RGS7: variants seen among roughly 807,000 people sequenced by gnomAD.
RGS7 encodes the protein regulator of G protein signaling 7.
A neutral mutation model predicts 81.1 loss-of-function variants in RGS7; 27 were observed. The observed-to-expected ratio is 0.33, with a 90% CI of 0.25 to 0.46. The LOEUF is 0.46. Among genes scored for constraint, RGS7 ranks in the 20% least tolerant of loss-of-function variants. The pLI is 1.00. For synonymous variants in RGS7, 208 were observed against 207.7 expected (o/e 1.00, Z -0.01); for missense variants, 396 against 607.4 (o/e 0.65, Z 3.66).
At chr1:240,818,605 AT>A (rs969705045) in intron 10 of RGS7, among the ~76,000 whole-genome samples, 1 of 152,244 alleles carries the variant, frequency 6.6e-6, no homozygotes, top group African/African-American at 2.4e-5. Flanking sequence ...ATGGAACACT[AT>A]TCAGCCTTTA....
chr1:240,971,065 T>TATGA (rs1683134067), intron 4 of RGS7, among the ~76,000 whole-genome samples: 1 of 152,182 alleles, frequency 6.6e-6, no homozygotes, highest in African/African-American at 2.4e-5. Context: ...TGAATGTCTG[T>TATGA]ATCACCCCCA....
chr1:240,900,929 C>T (rs948493273), intron 6 of RGS7, among the ~76,000 whole-genome samples: 5 of 152,152 alleles, frequency 3.3e-5, no homozygotes, highest in Non-Finnish European at 5.9e-5. Context: ...TCTTGAGCTG[C>T]GGTGGGCTCC....
intron 2 of RGS7, among the ~76,000 whole-genome samples, chr1:241,254,198 C>CAAAAAAAA (rs57205542): frequency 3.1e-5 from 2 of 64,348 alleles, no homozygotes; most frequent in Non-Finnish European, 6.0e-5. Context: ...GACTCCATCT[C>CAAAAAAAA]AAAAAAAAAA....
intron 2 of RGS7, among the ~76,000 whole-genome samples, chr1:241,143,677 G>A (rs1472067359): frequency 6.6e-6 from 1 of 152,182 alleles, no homozygotes; most frequent in East Asian, 1.9e-4. Flanking sequence ...AGCAAGGAGG[G>A]ATGTACCTTT....
chr1:240,806,414 G>A, intron 14 of RGS7, 88 bp from the exon 15 acceptor site: 1 of 1,285,382 alleles, frequency 7.8e-7, no homozygotes, highest in Non-Finnish European at 1.1e-6. Flanking sequence ...AGTTCATCAT[G>A]ACGACTCACA....
chr1:241,351,538 T>C (rs1485771261), intron 2 of RGS7, among the ~76,000 whole-genome samples: 1 of 152,134 alleles, frequency 6.6e-6, no homozygotes, highest in Non-Finnish European at 1.5e-5. Context: ...GCTTCACAAG[T>C]AACAAGGCTG....
intron 3 of RGS7, among the ~76,000 whole-genome samples, chr1:241,027,972 G>A (rs771246240): frequency 6.6e-5 from 10 of 152,142 alleles, no homozygotes; most frequent in Admixed American, 4.6e-4. Flanking sequence ...TAGCTGGCTC[G>A]TTTTGAATTA....
intron 3 of RGS7, among the ~76,000 whole-genome samples, chr1:241,066,629 A>C (rs1006551827): frequency 1.9e-4 from 29 of 151,858 alleles, no homozygotes; most frequent in Middle Eastern, 3.2e-3. Context: ...AGATGAGCCC[A>C]ACTATTCACA....
intron 2 of RGS7, among the ~76,000 whole-genome samples, chr1:241,162,338 G>A (rs961806552): frequency 3.3e-5 from 5 of 151,954 alleles, no homozygotes; most frequent in African/African-American, 1.2e-4. Flanking sequence ...GCTGGTAAGG[G>A]AAAAACGCCT....
At chr1:241,174,641 G>A (rs893796508) in intron 2 of RGS7, among the ~76,000 whole-genome samples, 3 of 152,072 alleles carry the variant, frequency 2.0e-5, no homozygotes, top group Non-Finnish European at 4.4e-5. Context: ...TACACATGAG[G>A]AAACAGCTAG....
intron 6 of RGS7, among the ~76,000 whole-genome samples, chr1:240,892,583 G>T (rs1280862744): frequency 6.6e-6 from 1 of 151,930 alleles, no homozygotes; most frequent in Non-Finnish European, 1.5e-5. Flanking sequence ...TGGGCCTAGG[G>T]GTTTCTCCAT....
chr1:240,903,483 T>C (rs546202159), intron 6 of RGS7, among the ~76,000 whole-genome samples: 1 of 152,006 alleles, frequency 6.6e-6, no homozygotes, highest in Non-Finnish European at 1.5e-5. Flanking sequence ...GGAAGAATAA[T>C]ATATTTATAT....
chr1:241,130,937 A>G (rs969584660), intron 2 of RGS7, among the ~76,000 whole-genome samples: 16 of 152,084 alleles, frequency 1.1e-4, no homozygotes, highest in African/African-American at 3.4e-4. Context: ...CAAAAAAAAA[A>G]AAAAAAAACC....
chr1:240,875,708 T>G (rs749358737), intron 6 of RGS7, among the ~76,000 whole-genome samples: 13 of 152,260 alleles, frequency 8.5e-5, no homozygotes, highest in Non-Finnish European at 1.6e-4. Context: ...TTACCTTTCA[T>G]CTTTTCAATC....
intron 2 of RGS7, among the ~76,000 whole-genome samples, chr1:241,315,091 T>C (rs2080784478): frequency 6.8e-6 from 1 of 146,056 alleles, no homozygotes; most frequent in South Asian, 2.1e-4. Context: ...AGAAGCTTTT[T>C]TTTTTTCTTC....
chr1:241,016,387 A>G (rs1056109486), intron 3 of RGS7, among the ~76,000 whole-genome samples: 8 of 151,828 alleles, frequency 5.3e-5, no homozygotes, highest in East Asian at 3.9e-4. Flanking sequence ...GTGTGGCGGC[A>G]TGCACCTGTA....
intron 3 of RGS7, among the ~76,000 whole-genome samples, chr1:241,020,844 T>C (rs1440225102): frequency 2.0e-5 from 3 of 152,168 alleles, no homozygotes; most frequent in Non-Finnish European, 2.9e-5. Flanking sequence ...GAAAACATGA[T>C]CTACTGTATC....
chr1:240,870,109 G>A lies in RGS7; in HGVS notation c.396C>T (p.Leu132=). ...EPENTDYAVY[L]CKRTMQNKAR... is the part of the protein sequence containing the mutation. Reference sequence around the variant, plus strand: ...CCTTGTTTTGCATTGTTCTCTTGCAGAGGTAAACGGCTGAAAAAAAAATCA... The same window carrying A: ...CCTTGTTTTGCATTGTTCTCTTGCAAAGGTAAACGGCTGAAAAAAAAATCA... The change falls in exon 7 of 19, where the codon CTC becomes CTT. Residue 132 remains leucine (L), a synonymous_variant. Coordinates refer to ENST00000440928, the MANE Select transcript of RGS7 (RefSeq NM_001364886.1). 2 of 1,613,862 alleles carry A rather than the reference G, an allele frequency of 1.2e-6. No homozygotes were observed. The highest frequency in any genetic ancestry group is 1.7e-6 in the Non-Finnish European group (2 of 1,179,908).
At chr1:241,002,804 A>C (rs1401473931) in intron 3 of RGS7, among the ~76,000 whole-genome samples, 1 of 152,238 alleles carries the variant, frequency 6.6e-6, no homozygotes, top group Non-Finnish European at 1.5e-5. Context: ...TTCACGTAAA[A>C]GTCAAATACA....
Sources: allele counts gnomAD v4.1 joint callset (sites outside exome capture counted in the v4.1 genomes callset), GRCh38; gene constraint gnomAD v4.1.1; transcripts MANE v1.5; gene names NCBI Gene and HGNC (gene_info 2026-07-23, HGNC 2026-07-21).